Variants in ABCC5 observed in about 807,000 individuals in gnomAD.
ABCC5 encodes the protein ATP-binding cassette sub-family C member 5.
Under a neutral mutation model 160.9 loss-of-function variants are expected in ABCC5, and 61 were observed. The observed-to-expected ratio is 0.38, with a 90% CI of 0.31 to 0.47. The LOEUF is 0.47. Among genes scored for constraint, ABCC5 ranks in the 20% least tolerant of loss-of-function variants. The pLI is 0.99. For missense variants in ABCC5, 1,308 were observed against 1,813.3 expected (o/e 0.72, Z 5.06); for synonymous variants, 666 against 700.6 (o/e 0.95, Z 0.78).
rs756712735 is a variant in ABCC5 at position 183,989,268 on chromosome 3, T to C, written c.245A>G (p.His82Arg). Residue 82 changes from histidine (H) to arginine (R), a missense_variant, in exon 3 of 30, where the codon CAT (histidine) becomes CGT (arginine). By Grantham distance (29) the His-to-Arg change is conservative. Coordinates refer to ENST00000334444, the MANE Select transcript of ABCC5 (RefSeq NM_005688.4). ...GGGCTTCAGAGCACTCAAGCCATGATGGTACTTTCCCTTGGGATGCTCCTC... is the reference window on the plus strand; with the variant it reads ...GGGCTTCAGAGCACTCAAGCCATGACGGTACTTTCCCTTGGGATGCTCCTC... ...LDEEHPKGKY[H>R]HGLSALKPIR... is the part of the protein sequence containing the mutation. The C allele has an allele frequency of 4.3e-6, 7 of 1,613,188 alleles. No homozygotes were observed. The highest frequency in any genetic ancestry group is 5.9e-6 in the Non-Finnish European group (7 of 1,179,738).
intron 25 of ABCC5, among the ~76,000 whole-genome samples, chr3:183,941,828 C>A (rs1309174040): frequency 6.6e-6 from 1 of 151,588 alleles, no homozygotes; most frequent in Non-Finnish European, 1.5e-5. Flanking sequence ...ACTAAAAATA[C>A]AAAAAAATTA....
chr3:183,952,632 G>C (rs1559999648), intron 18 of ABCC5, among the ~76,000 whole-genome samples: 1 of 152,174 alleles, frequency 6.6e-6, no homozygotes, highest in Non-Finnish European at 1.5e-5. Flanking sequence ...GTTTAAAAGT[G>C]TTTGACATGT....
intron 2 of ABCC5, among the ~76,000 whole-genome samples, chr3:184,007,297 G>A (rs751587030): frequency 2.6e-5 from 4 of 151,704 alleles, no homozygotes; most frequent in Admixed American, 1.3e-4. Context: ...TGAGATTACA[G>A]GCGTGAGCCA....
chr3:184,004,765 A>G (rs1721043851), intron 2 of ABCC5, among the ~76,000 whole-genome samples: 1 of 152,168 alleles, frequency 6.6e-6, no homozygotes, highest in Non-Finnish European at 1.5e-5. Context: ...TCATACCTGC[A>G]TAATACCAAA....
At chr3:183,996,007 C>T (rs946632237) in intron 2 of ABCC5, among the ~76,000 whole-genome samples, 41 of 152,112 alleles carry the variant, frequency 2.7e-4, no homozygotes, top group Non-Finnish European at 4.7e-4. Flanking sequence ...TGGGGTTTCA[C>T]CGTGTTGGCC....
rs555487643 is a variant in ABCC5 at position 183,963,927 on chromosome 3, T to C, written c.2032-339A>G. 4.6e-5 allele frequency among the ~76,000 whole-genome samples: 7 copies of C among 152,280 alleles called. No homozygotes were observed. The highest frequency in any genetic ancestry group is 1.7e-4 in the African/African-American group (7 of 41,552). ...ACACAAAGCTGACCATCTCCCACCC[T>C]TGCTTAAAATTCTTCAAGAGCCTCA... On this transcript the variant is annotated intron_variant, in intron 14 of 29. Transcript: ENST00000334444. The surrounding 1 kb of genome is among the most constrained non-coding windows in gnomAD (Gnocchi z 4.6).
At chr3:183,944,089 C>A (rs1305759517) in intron 24 of ABCC5, among the ~76,000 whole-genome samples, 9 of 152,174 alleles carry the variant, frequency 5.9e-5, no homozygotes, top group African/African-American at 2.2e-4. Flanking sequence ...ACTCAGTTCC[C>A]AATTGAAAGA....
rs771197660 is a variant in ABCC5 at position 183,942,732 on chromosome 3, C to G, written c.3689G>C (p.Gly1230Ala). ...KEKIGIVGRT[G>A]SGKSSLGMAL... ...AAGGCTTTGCACATCCTTACCTGAT[C>G]CTGTCCGCCCCACAATGCCAATCTT... The change falls in exon 25 of 30, where the codon GGA (glycine) becomes GCA (alanine). Residue 1230 changes from glycine to alanine, a missense_variant. Physicochemically the swap from Gly to Ala is moderately conservative, Grantham distance 60 (BLOSUM62 0). Around this residue, in one of 3 missense-constraint regions of ABCC5, gnomAD observed 163 missense variants for 269.7 expected, o/e 0.60. Transcript: ENST00000334444. The G allele has an allele frequency of 1.9e-6, 3 of 1,613,532 alleles. No individual in the cohort carries two copies. The highest frequency in any genetic ancestry group is 2.2e-5 in the East Asian group (1 of 44,874).
chr3:184,017,032 G>A lies in ABCC5; in HGVS notation c.-56+798C>T, dbSNP rs778416675. On this transcript the variant is annotated intron_variant, in intron 1 of 29. Coordinates refer to ENST00000334444, the MANE Select transcript of ABCC5 (RefSeq NM_005688.4). The surrounding 1 kb of genome is among the most constrained non-coding windows in gnomAD (Gnocchi z 4.5). ...ACACCCACTGTAATCCACTTGTTGC[G>A]TCTCCAAGCAGCCTCACCTTTCATA... is the stretch of plus-strand genomic sequence containing the variant. Among the ~76,000 whole-genome samples the A allele has an allele frequency of 1.2e-4, 18 of 152,148 alleles. No individual in the cohort carries two copies. Among genetic ancestry groups the A allele is most frequent in the Admixed American group, 2.6e-4 (4 of 15,278 alleles).
intron 29 of ABCC5, among the ~76,000 whole-genome samples, chr3:183,923,370 C>T (rs1045730855): frequency 7.9e-5 from 12 of 152,108 alleles, no homozygotes; most frequent in Non-Finnish European, 1.3e-4. Context: ...TGCCTGTAAT[C>T]CCAGCACTTT....
At chr3:183,975,489 A>G (rs1166332075) in intron 10 of ABCC5, among the ~76,000 whole-genome samples, 2 of 151,814 alleles carry the variant, frequency 1.3e-5, no homozygotes, top group East Asian at 3.9e-4. Context: ...CTACAGGCAC[A>G]CACCACCACA....
chr3:183,963,344 C>A lies in ABCC5; in HGVS notation c.2235+41G>T. The A allele has an allele frequency of 6.2e-7, 1 of 1,606,774 alleles. No individual in the cohort carries two copies. Among genetic ancestry groups the A allele is most frequent in the South Asian group, 1.1e-5 (1 of 90,924 alleles). ...AAACCTACCTCCCTGTTTCTGATTT[C>A]CCAAACTCAGGCAGGCAGCCGAGGG... On this transcript the variant is annotated intron_variant, in intron 15 of 29. Transcript: ENST00000334444. The surrounding 1 kb of genome is among the most constrained non-coding windows in gnomAD (Gnocchi z 4.6).
At chr3:183,944,905 G>C (rs969807463) in intron 24 of ABCC5, among the ~76,000 whole-genome samples, 16 of 152,210 alleles carry the variant, frequency 1.1e-4, no homozygotes, top group African/African-American at 3.6e-4. Flanking sequence ...TAATCCCCAT[G>C]TGTGAGGGGA....
Position 183,959,836 on chromosome 3 carries a change from C to A in ABCC5, c.2380-1G>T. 1 of 1,592,884 alleles carries A rather than the reference C, an allele frequency of 6.3e-7. No individual in the cohort carries two copies. The highest frequency in any genetic ancestry group is 8.6e-7 in the Non-Finnish European group (1 of 1,168,884). ...CACTGGTTTCCTTTTTTGAATTGAT[C>A]TAATAATATTTAAAAAAAAAAGTCT... On this transcript the variant is annotated splice_acceptor_variant, in intron 16 of 29. Coordinates refer to ENST00000334444, the MANE Select transcript of ABCC5 (RefSeq NM_005688.4). LOFTEE classifies it high-confidence loss of function.
intron 2 of ABCC5, among the ~76,000 whole-genome samples, chr3:183,990,307 A>G (rs1264827605): frequency 1.3e-5 from 2 of 151,916 alleles, no homozygotes; most frequent in African/African-American, 2.4e-5. Flanking sequence ...GGGTTTCACC[A>G]TGTTGGCCAG....
intron 26 of ABCC5, among the ~76,000 whole-genome samples, chr3:183,936,888 G>A (rs776629374): frequency 6.6e-6 from 1 of 152,204 alleles, no homozygotes; most frequent in Non-Finnish European, 1.5e-5. Flanking sequence ...GCTAAGGGTA[G>A]GATCAGGTAA....
intron 11 of ABCC5, among the ~76,000 whole-genome samples, chr3:183,968,853 C>T (rs912665800): frequency 6.6e-6 from 1 of 152,156 alleles, no homozygotes; most frequent in African/African-American, 2.4e-5. Flanking sequence ...ATCCAGGCCC[C>T]GTGACTTAAC....
At chr3:183,960,622 T>C (rs964659555) in intron 16 of ABCC5, among the ~76,000 whole-genome samples, 1 of 152,014 alleles carries the variant, frequency 6.6e-6, no homozygotes, top group African/African-American at 2.4e-5. Flanking sequence ...ACACTGTGAG[T>C]CCCTTAAGGA....
chr3:183,974,917 T>C (rs1369493603), intron 10 of ABCC5, among the ~76,000 whole-genome samples: 1 of 152,206 alleles, frequency 6.6e-6, no homozygotes, highest in East Asian at 1.9e-4. Flanking sequence ...CTTGCAAATC[T>C]GTCAGATCTC....
Sources: allele counts gnomAD v4.1 joint callset (sites outside exome capture counted in the v4.1 genomes callset), GRCh38; gene constraint gnomAD v4.1.1; regional missense constraint gnomAD v4.1.1; non-coding constraint Gnocchi (gnomAD v3.1); transcripts MANE v1.5; gene names NCBI Gene and HGNC (gene_info 2026-07-23, HGNC 2026-07-21).